CEP295: variants seen among roughly 807,000 people sequenced by gnomAD.
CEP295 encodes centrosomal protein of 295 kDa.
A neutral mutation model predicts 291.6 loss-of-function variants in CEP295; 190 were observed. That is an observed-to-expected ratio of 0.65 (90% CI 0.58 to 0.73). The LOEUF is 0.73. CEP295 is among the 30% of genes least tolerant of loss of function. The pLI is 0.00. For missense variants in CEP295, 2,863 were observed against 2,949.4 expected, an observed-to-expected ratio of 0.97 and a Z score of 0.68; for synonymous variants, 993 against 1,038.8, an observed-to-expected ratio of 0.96 and a Z score of 0.85.
In CEP295 at chr11:93,727,239, C is replaced by T; in HGVS notation, c.6763C>T (p.His2255Tyr). Reference protein sequence around the residue: ...ANVFDQLNVQHSTPCGSNSSE... With the variant: ...ANVFDQLNVQYSTPCGSNSSE... Reference sequence around the variant, plus strand: ...TGTATTTGATCAGTTAAATGTACAGCATAGCACTCCATGTGGTTCTAACTC... The same window carrying T: ...TGTATTTGATCAGTTAAATGTACAGTATAGCACTCCATGTGGTTCTAACTC... Residue 2255 changes from histidine (H) to tyrosine (Y), a missense_variant, in exon 24 of 30, where the codon CAT (histidine) becomes TAT (tyrosine). Physicochemically the swap from His to Tyr is moderately conservative, Grantham distance 83. Transcript: ENST00000325212. 1 of 1,551,720 alleles carries T rather than the reference C, an allele frequency of 6.4e-7. No individual in the cohort carries two copies. Among genetic ancestry groups the T allele is most frequent in the Non-Finnish European group, 8.7e-7 (1 of 1,146,956 alleles).
intron 3 of CEP295, 123 bp downstream of exon 3, chr11:93,667,930 C>CT: frequency 1.5e-6 from 1 of 669,238 alleles, no homozygotes. Flanking sequence ...GCAGCTTGAA[C>CT]TTTTTTATAA....
chr11:93,718,256 C>T (rs1953419840), intron 18 of CEP295, among the ~76,000 whole-genome samples: 1 of 152,192 alleles, frequency 6.6e-6, no homozygotes, highest in Non-Finnish European at 1.5e-5. Flanking sequence ...ACTACTATTC[C>T]ATTGTTTCTG....
At chr11:93,726,143 T>A (rs1046030212) in intron 23 of CEP295, among the ~76,000 whole-genome samples, 1 of 152,212 alleles carries the variant, frequency 6.6e-6, no homozygotes, top group African/African-American at 2.4e-5. Context: ...TTTATTTTGT[T>A]TTTGAAGACT....
In CEP295 at chr11:93,701,278, T is replaced by A. The variant is rs183869026; in HGVS notation, c.5274+1092T>A. 4.8e-3 allele frequency among the ~76,000 whole-genome samples: 725 copies of A among 152,202 alleles called. 6 individuals are homozygous for A. The highest frequency in any genetic ancestry group is 0.016 in the African/African-American group (647 of 41,530). ...AACTCTGGAGGCTTAGGTGGGAGGATGACTTGAGCCCAGGAGGTTGAGGCT... is the reference window on the plus strand; with the variant it reads ...AACTCTGGAGGCTTAGGTGGGAGGAAGACTTGAGCCCAGGAGGTTGAGGCT... On this transcript the variant is annotated intron_variant, in intron 15 of 29. Coordinates refer to ENST00000325212, the MANE Select transcript of CEP295 (RefSeq NM_033395.2).
chr11:93,667,722 A>C lies in CEP295; in HGVS notation c.224A>C (p.Gln75Pro), dbSNP rs2134782933. The change falls in exon 3 of 30, where the codon CAA becomes CCA. Residue 75 changes from glutamine (Q) to proline (P), a missense_variant. Gln to Pro is a moderately conservative substitution (Grantham distance 76). This residue lies in a region of CEP295 where 554 missense variants were observed against 576.0 expected (regional missense o/e 0.96). Transcript: ENST00000325212. ...EELRAEWEES[Q>P]TQKIQNLEKL... ...CTAAGGGCAGAATGGGAAGAATCAC[A>C]AACTCAGAAAATACAGAACTTGGAA... The C allele has an allele frequency of 6.4e-7, 1 of 1,551,562 alleles. No individual in the cohort carries two copies. The highest frequency in any genetic ancestry group is 1.7e-4 in the Middle Eastern group (1 of 5,990).
chr11:93,670,457 A>G lies in CEP295; in HGVS notation c.528+687A>G, dbSNP rs575485199. Among the ~76,000 whole-genome samples the G allele has an allele frequency of 5.3e-5, 8 of 152,306 alleles. No homozygotes were observed. In the South Asian group the frequency reaches 1.4e-3, roughly 28 times the overall value. On this transcript the variant is annotated intron_variant, in intron 5 of 29. Coordinates refer to ENST00000325212, the MANE Select transcript of CEP295 (RefSeq NM_033395.2). ...TACTTGTTCTCCACATTAGCTTGTT[A>G]TAGTTATTGAAATGGCTATTTGGAT...
rs1258165853 is a variant in CEP295 at position 93,692,015 on chromosome 11, A to G, written c.1518A>G (p.Ser506=). 3 of 1,499,284 alleles carry G rather than the reference A, an allele frequency of 2.0e-6. No homozygotes were observed. Among genetic ancestry groups the G allele is most frequent in the East Asian group, 4.9e-5 (2 of 40,582 alleles). The allele number at this position is 1,499,284 out of a possible 1,614,324, so 92.9% of individuals were successfully genotyped here. The change falls in exon 12 of 30, where the codon TCA becomes TCG. Residue 506 remains serine, a synonymous_variant. Coordinates refer to ENST00000325212, the MANE Select transcript of CEP295 (RefSeq NM_033395.2). ...PQEAAARIRM[S]ARQKQIMEIE... ...AAGCAGCAGCCAGGATTAGAATGTC[A>G]GCAAGGCAGAAACAGGTAATTTGAA...
intron 25 of CEP295, chr11:93,729,189 C>T: frequency 1.8e-6 from 1 of 554,054 alleles, no homozygotes; most frequent in South Asian, 2.5e-5. Context: ...GCTATCTAAA[C>T]AGAGGCCTAG....
chr11:93,715,593 T>A (rs570144637), intron 18 of CEP295, among the ~76,000 whole-genome samples: 1 of 152,146 alleles, frequency 6.6e-6, no homozygotes, highest in African/African-American at 2.4e-5. Context: ...GTGAATATGC[T>A]GGGTCACACA....
chr11:93,682,048 T>C (rs1213987340), intron 7 of CEP295, among the ~76,000 whole-genome samples: 1 of 152,102 alleles, frequency 6.6e-6, no homozygotes, highest in East Asian at 1.9e-4. Context: ...GCTAGAATAG[T>C]ACACTTACTC....
chr11:93,691,585 GC>G (rs1237647134), intron 10 of CEP295, 97 bp from the exon 11 acceptor site: 1 of 726,034 alleles, frequency 1.4e-6, no homozygotes, highest in Non-Finnish European at 2.4e-6. Context: ...CATTCAGATG[GC>G]CCTAGATTGA....
intron 17 of CEP295, among the ~76,000 whole-genome samples, chr11:93,703,514 C>G (rs1299311255): frequency 6.6e-6 from 1 of 151,024 alleles, no homozygotes; most frequent in African/African-American, 2.4e-5. Flanking sequence ...TTCTGACAGT[C>G]TTGCTCCCCG....
intron 18 of CEP295, among the ~76,000 whole-genome samples, chr11:93,710,924 T>G (rs190033051): frequency 6.6e-6 from 1 of 152,338 alleles, no homozygotes; most frequent in African/African-American, 2.4e-5. Flanking sequence ...TCTCTAACGA[T>G]CCTTTAAATT....
intron 10 of CEP295, among the ~76,000 whole-genome samples, chr11:93,690,560 C>CAA (rs756087606): frequency 7.7e-4 from 41 of 52,980 alleles, no homozygotes; most frequent in African/African-American, 1.3e-3. Flanking sequence ...CTCTGTCTCA[C>CAA]AAAAAAAAAA....
At chr11:93,680,326 GCTCAGGCCTGT>G (rs1351192125) in intron 7 of CEP295, among the ~76,000 whole-genome samples, 4 of 152,294 alleles carry the variant, frequency 2.6e-5, no homozygotes, top group African/African-American at 4.8e-5. Flanking sequence ...AGTCGAGGTA[GCTCAGGCCTGT>G]CTCAGGCCTG....
chr11:93,698,772 G>C lies in CEP295; in HGVS notation c.3860G>C (p.Gly1287Ala), dbSNP rs1485420875. 9 of 1,551,534 alleles carry C rather than the reference G, an allele frequency of 5.8e-6. No homozygotes were observed. Among genetic ancestry groups the C allele is most frequent in the Non-Finnish European group, 7.8e-6 (9 of 1,146,998 alleles). The stretch of plus-strand genomic sequence containing the variant: ...GAAAATACATCTTCTGAACAAACTG[G>C]TTCATCTTCATTCATACCCCAGTTG... ...TQENTSSEQT[G>A]SSSFIPQLVQ... The change falls in exon 15 of 30, where the codon GGT (glycine) becomes GCT (alanine). Residue 1287 changes from glycine to alanine, a missense_variant. Gly to Ala is a moderately conservative substitution (Grantham distance 60). Transcript: ENST00000325212.
intron 6 of CEP295, among the ~76,000 whole-genome samples, chr11:93,676,017 G>A (rs1015519707): frequency 1.3e-5 from 2 of 151,928 alleles, no homozygotes; most frequent in Non-Finnish European, 2.9e-5. Context: ...TATAGTTAAT[G>A]TTTTAATAAA....
chr11:93,728,575 TCA>T (rs1412041505), intron 24 of CEP295, 104 bp from the exon 25 acceptor site: 2 of 915,968 alleles, frequency 2.2e-6, no homozygotes, highest in Non-Finnish European at 3.1e-6. Flanking sequence ...TCCTCCATTT[TCA>T]CATTTATATA....
chr11:93,714,200 C>G (rs1197129933), intron 18 of CEP295, among the ~76,000 whole-genome samples: 1 of 152,060 alleles, frequency 6.6e-6, no homozygotes, highest in Non-Finnish European at 1.5e-5. Flanking sequence ...CCTGTATGGT[C>G]TTGATGTTTG....
Sources: gnomAD v4.1 joint callset for allele counts (sites outside exome capture counted in the v4.1 genomes callset) on GRCh38, gnomAD v4.1.1 for gene constraint, gnomAD v4.1.1 regional missense constraint, MANE v1.5 for transcripts, NCBI Gene and HGNC (gene_info 2026-07-23, HGNC 2026-07-21) for gene names.